Variants in XIRP2 observed in about 807,000 individuals in gnomAD.
The protein encoded by XIRP2 is xin actin-binding repeat-containing protein 2.
XIRP2 carries 236 observed loss-of-function variants against 277.0 expected under a neutral mutation model. That is an observed-to-expected ratio of 0.85 (90% CI 0.77 to 0.95). XIRP2 has a LOEUF of 0.95. XIRP2 is among the 40% of genes least tolerant of loss of function. XIRP2 has a pLI of 0.00. For synonymous variants in XIRP2, 1,490 were observed against 1,416.5 expected, an observed-to-expected ratio of 1.05 and a Z score of -1.17; for missense variants, 4,640 against 4,157.5, an observed-to-expected ratio of 1.12 and a Z score of -3.19.
chr2:166,982,520 G>GT (rs1028995689), intron 2 of XIRP2, among the ~76,000 whole-genome samples: 4 of 151,308 alleles, frequency 2.6e-5, no homozygotes, highest in Admixed American at 6.6e-5. Context: ...CCTCTATCAT[G>GT]TTTTTTTATT....
intron 2 of XIRP2, among the ~76,000 whole-genome samples, chr2:167,080,713 T>C (rs1384839889): frequency 6.6e-6 from 1 of 152,310 alleles, no homozygotes; most frequent in East Asian, 1.9e-4. Context: ...TGCTTTGGAG[T>C]ACTAGAATAA....
At chr2:167,032,518 C>A (rs1253805384) in intron 2 of XIRP2, among the ~76,000 whole-genome samples, 1 of 152,062 alleles carries the variant, frequency 6.6e-6, no homozygotes, top group African/African-American at 2.4e-5. Context: ...AGTCAACCTG[C>A]AGAATGGGAG....
chr2:167,204,760 ACG>A (rs1245200227), intron 3 of XIRP2, among the ~76,000 whole-genome samples: 1 of 152,048 alleles, frequency 6.6e-6, no homozygotes, highest in African/African-American at 2.4e-5. Context: ...GAAAACAAAC[ACG>A]CGTATTTATT....
At chr2:166,962,504 A>G (rs1325186052) in intron 2 of XIRP2, among the ~76,000 whole-genome samples, 1 of 151,776 alleles carries the variant, frequency 6.6e-6, no homozygotes, top group African/African-American at 2.4e-5. Flanking sequence ...TCATACATCT[A>G]TAACAGCAAA....
intron 2 of XIRP2, among the ~76,000 whole-genome samples, chr2:166,983,773 T>C (rs1176749429): frequency 6.6e-6 from 1 of 152,204 alleles, no homozygotes; most frequent in Non-Finnish European, 1.5e-5. Context: ...TGAGTTCTCT[T>C]TTTACAAATA....
At chr2:167,148,276 G>A (rs1403230799) in intron 3 of XIRP2, among the ~76,000 whole-genome samples, 6 of 151,732 alleles carry the variant, frequency 4.0e-5, no homozygotes, top group African/African-American at 1.5e-4. Context: ...CAGCTACATG[G>A]GAAGCTGAGG....
intron 1 of XIRP2, among the ~76,000 whole-genome samples, chr2:166,895,012 G>A (rs968245696): frequency 6.6e-6 from 1 of 152,096 alleles, no homozygotes; most frequent in African/African-American, 2.4e-5. Context: ...CAGAGGGACA[G>A]CCTTTGCAAA....
intron 2 of XIRP2, among the ~76,000 whole-genome samples, chr2:166,975,083 G>A (rs1461063763): frequency 6.6e-6 from 1 of 151,864 alleles, no homozygotes; most frequent in East Asian, 1.9e-4. Flanking sequence ...TGATCAAAAT[G>A]TCAATACATA....
At chr2:167,040,766 T>C (rs1688639677) in intron 2 of XIRP2, among the ~76,000 whole-genome samples, 1 of 152,116 alleles carries the variant, frequency 6.6e-6, no homozygotes. Context: ...GCTACCACCA[T>C]AGCTCTTTCA....
chr2:167,034,201 T>C (rs1310972010), intron 2 of XIRP2, among the ~76,000 whole-genome samples: 1 of 152,162 alleles, frequency 6.6e-6, no homozygotes, highest in Non-Finnish European at 1.5e-5. Context: ...TAGCTTGTTT[T>C]TGCAATCAGT....
chr2:167,121,898 G>A (rs1221918130), intron 2 of XIRP2, among the ~76,000 whole-genome samples: 1 of 152,100 alleles, frequency 6.6e-6, no homozygotes, highest in African/African-American at 2.4e-5. Context: ...TCATATGAAC[G>A]TGACCTCTAA....
chr2:167,132,242 G>A (rs541692730), intron 2 of XIRP2, among the ~76,000 whole-genome samples: 33 of 152,190 alleles, frequency 2.2e-4, no homozygotes, highest in Non-Finnish European at 4.3e-4. Context: ...CTCTTTACCA[G>A]CAGTGACTTT....
At chr2:167,192,575 A>T (rs980742487) in intron 3 of XIRP2, among the ~76,000 whole-genome samples, 6 of 152,244 alleles carry the variant, frequency 3.9e-5, no homozygotes, top group Admixed American at 1.3e-4. Context: ...CTCAAGGGTC[A>T]TATTATCAAA....
chr2:167,236,407 A>G (rs2105424214), intron 5 of XIRP2, among the ~76,000 whole-genome samples: 1 of 152,192 alleles, frequency 6.6e-6, no homozygotes, highest in African/African-American at 2.4e-5. Context: ...AAATCTCCTT[A>G]GAAGATGTGC....
At position 167,012,488 on chromosome 2, in the gene XIRP2, A is replaced by T. The variant is rs1687707659; in HGVS notation, c.408+108598A>T. 1.3e-5 allele frequency among the ~76,000 whole-genome samples: 2 copies of T among 151,720 alleles called. 1 individual carries two copies. The highest frequency in any genetic ancestry group is 4.1e-4 in the South Asian group (2 of 4,824). Reference sequence around the variant, plus strand: ...GAAATGAACAAAGTAAAAGTTGAATAATCCAGCTTCTTTCTGATAGCTGTT... The same window carrying T: ...GAAATGAACAAAGTAAAAGTTGAATTATCCAGCTTCTTTCTGATAGCTGTT... On this transcript the variant is annotated intron_variant, in intron 2 of 10. Transcript: ENST00000409195.
At chr2:167,032,338 TAAAAACCCTAGA>T (rs1215628660) in intron 2 of XIRP2, among the ~76,000 whole-genome samples, 1 of 151,984 alleles carries the variant, frequency 6.6e-6, no homozygotes, top group African/African-American at 2.4e-5. Flanking sequence ...CCTAAAACCA[TAAAAACCCTAGA>T]AGAAAACCTA....
intron 2 of XIRP2, among the ~76,000 whole-genome samples, chr2:166,913,774 C>G (rs572043552): frequency 6.6e-5 from 10 of 152,138 alleles, no homozygotes; most frequent in Non-Finnish European, 1.3e-4. Flanking sequence ...CAAACACTCT[C>G]CCACAGGTAA....
chr2:167,143,616 T>C (rs1232624752), intron 3 of XIRP2, among the ~76,000 whole-genome samples: 1 of 152,088 alleles, frequency 6.6e-6, no homozygotes, highest in Non-Finnish European at 1.5e-5. Context: ...AAGCTATGAG[T>C]GAAACAATTC....
intron 2 of XIRP2, among the ~76,000 whole-genome samples, chr2:166,912,880 G>A (rs187869039): frequency 9.9e-5 from 2 of 20,138 alleles, no homozygotes; most frequent in Non-Finnish European, 1.4e-4. Context: ...ACTCGAGACC[G>A]TTTCCCTGGG....
Sources: gnomAD v4.1 joint callset for allele counts (sites outside exome capture counted in the v4.1 genomes callset) on GRCh38, gnomAD v4.1.1 for gene constraint, MANE v1.5 for transcripts, NCBI Gene and HGNC (gene_info 2026-07-23, HGNC 2026-07-21) for gene names.